ADGRV1: variants seen among roughly 807,000 people sequenced by gnomAD.
The protein encoded by ADGRV1 is adhesion G protein-coupled receptor V1.
In ADGRV1, 359 loss-of-function variants were observed where a neutral mutation model predicts 596.2. The observed-to-expected ratio is 0.60, with a 90% CI of 0.55 to 0.66. The LOEUF is 0.66. Ranked by LOEUF, ADGRV1 falls within the 30% of genes least tolerant of loss-of-function variation. ADGRV1 has a pLI of 0.00. For synonymous variants in ADGRV1, 2,681 were observed against 2,679.2 expected (o/e 1.00, Z -0.02); for missense variants, 7,274 against 7,575.6 (o/e 0.96, Z 1.48).
intron 50 of ADGRV1, among the ~76,000 whole-genome samples, chr5:90,733,799 A>G (rs1252710188): frequency 6.6e-6 from 1 of 152,178 alleles, no homozygotes; most frequent in East Asian, 1.9e-4. Flanking sequence ...TACAGTTGAA[A>G]TGTACTCTTA....
intron 87 of ADGRV1, among the ~76,000 whole-genome samples, chr5:91,117,671 A>C (rs917143837): frequency 6.6e-6 from 1 of 152,194 alleles, no homozygotes; most frequent in Non-Finnish European, 1.5e-5. Context: ...AAAACCATTT[A>C]CTCAAATACT....
chr5:90,564,524 G>C (rs1454773633), intron 1 of ADGRV1, among the ~76,000 whole-genome samples: 1 of 152,150 alleles, frequency 6.6e-6, no homozygotes, highest in Admixed American at 6.5e-5. Flanking sequence ...ATAGCTGGAA[G>C]TGCAGAGGTT....
At chr5:90,700,621 C>T (rs900958628) in intron 34 of ADGRV1, among the ~76,000 whole-genome samples, 3 of 151,978 alleles carry the variant, frequency 2.0e-5, no homozygotes, top group Non-Finnish European at 4.4e-5. Context: ...ATGTCATGTT[C>T]GATGGATTTT....
At chr5:90,739,058 C>T (rs910301930) in intron 50 of ADGRV1, among the ~76,000 whole-genome samples, 2 of 151,566 alleles carry the variant, frequency 1.3e-5, no homozygotes, top group Non-Finnish European at 2.9e-5. Context: ...AATTTTCTTT[C>T]TTCTGCTTGA....
chr5:90,976,445 T>C lies in ADGRV1; in HGVS notation c.17974-8899T>C, dbSNP rs535630655. ...TTATTACATAAGTTATTTTTCTGGC[T>C]TCCAGTTGATGAAATTACATTATTT... On this transcript the variant is annotated intron_variant, in intron 84 of 89. Coordinates refer to ENST00000405460, the MANE Select transcript of ADGRV1 (RefSeq NM_032119.4). Among the ~76,000 whole-genome samples, 3 of 151,186 alleles carry C rather than the reference T, an allele frequency of 2.0e-5. No individual in the cohort carries two copies. The Admixed American group carries it at 2.0e-4, about 10-fold the overall frequency.
intron 87 of ADGRV1, among the ~76,000 whole-genome samples, chr5:91,138,772 CTTT>C (rs34573065): frequency 1.4e-5 from 2 of 138,212 alleles, no homozygotes. Flanking sequence ...TATTGGTAAA[CTTT>C]TTTTTTTTTT....
intron 87 of ADGRV1, among the ~76,000 whole-genome samples, chr5:91,130,119 C>T (rs570049801): frequency 6.6e-6 from 1 of 151,516 alleles, no homozygotes; most frequent in African/African-American, 2.4e-5. Flanking sequence ...AAAAAATGCT[C>T]TGTAAAATTG....
intron 84 of ADGRV1, among the ~76,000 whole-genome samples, chr5:90,977,870 A>G (rs932348025): frequency 6.6e-6 from 1 of 152,212 alleles, no homozygotes; most frequent in Non-Finnish European, 1.5e-5. Flanking sequence ...CTGAATTACT[A>G]ATTCTGAAAA....
At chr5:90,580,093 G>A (rs1023162365) in intron 1 of ADGRV1, among the ~76,000 whole-genome samples, 1 of 151,840 alleles carries the variant, frequency 6.6e-6, no homozygotes, top group Non-Finnish European at 1.5e-5. Flanking sequence ...TTTTAATTGG[G>A]GCATTTAACC....
intron 85 of ADGRV1, among the ~76,000 whole-genome samples, chr5:91,046,610 A>G (rs1425766456): frequency 6.6e-6 from 1 of 152,240 alleles, no homozygotes; most frequent in Non-Finnish European, 1.5e-5. Flanking sequence ...GGCTCAGGCA[A>G]GGATTTCATG....
rs374007277 is a variant in ADGRV1, at chr5:90,815,608, C to A, written c.16079-11C>A. ...CTTGAATATATTATAGCCCTCCATT[C>A]TTTTTTTCAGGGAGTGACCTTCACA... On this transcript the variant is annotated splice_polypyrimidine_tract_variant and intron_variant, in intron 74 of 89. Coordinates refer to ENST00000405460, the MANE Select transcript of ADGRV1 (RefSeq NM_032119.4). 4.2e-6 allele frequency: 6 copies of A among 1,442,362 alleles called. No homozygotes were observed. In the South Asian group the frequency reaches 7.3e-5, roughly 18 times the overall value. 89.3% of individuals were successfully genotyped at this position (1,442,362 alleles called of 1,614,324 possible).
chr5:90,579,678 G>A (rs868100095), intron 1 of ADGRV1, among the ~76,000 whole-genome samples: 4 of 152,064 alleles, frequency 2.6e-5, no homozygotes, highest in African/African-American at 7.2e-5. Context: ...CTTCTGTCTC[G>A]TTGATCTGTC....
chr5:90,671,725 T>A (rs1469968207), intron 21 of ADGRV1, among the ~76,000 whole-genome samples: 1 of 152,008 alleles, frequency 6.6e-6, no homozygotes, highest in Non-Finnish European at 1.5e-5. Flanking sequence ...CATTTTTGGT[T>A]CTTTTTTCTC....
At chr5:91,006,413 C>G (rs1046940843) in intron 85 of ADGRV1, among the ~76,000 whole-genome samples, 1 of 152,150 alleles carries the variant, frequency 6.6e-6, no homozygotes, top group African/African-American at 2.4e-5. Context: ...TTTTGACAAA[C>G]ACCACAAACA....
intron 86 of ADGRV1, chr5:91,091,810 C>T (rs1790408617): frequency 6.6e-6 from 1 of 152,010 alleles, no homozygotes; most frequent in African/African-American, 2.4e-5. Context: ...TAGCCTTCCT[C>T]CACCTTTTTG....
At chr5:90,920,468 T>C (rs1773781658) in intron 83 of ADGRV1, among the ~76,000 whole-genome samples, 1 of 152,208 alleles carries the variant, frequency 6.6e-6, no homozygotes, top group South Asian at 2.1e-4. Context: ...CTTCAGAGTC[T>C]TTTTACTTTT....
At chr5:90,976,322 G>GTGTGTGTATATA (rs1420288881) in intron 84 of ADGRV1, among the ~76,000 whole-genome samples, 85 of 108,592 alleles carry the variant, frequency 7.8e-4, no homozygotes, top group Non-Finnish European at 1.3e-3. Flanking sequence ...GTGTGTGTGT[G>GTGTGTGTATATA]TATATATATA....
intron 79 of ADGRV1, 131 bp from the exon 80 acceptor site, chr5:90,853,153 C>G: frequency 1.2e-6 from 1 of 829,246 alleles, no homozygotes; most frequent in East Asian, 2.5e-5. Context: ...CTATTTACTG[C>G]TTCTGGGTTT....
At chr5:90,870,936 G>A (rs1181987763) in intron 83 of ADGRV1, among the ~76,000 whole-genome samples, 1 of 152,130 alleles carries the variant, frequency 6.6e-6, no homozygotes, top group Non-Finnish European at 1.5e-5. Context: ...TTTAGGTCTA[G>A]GCAAGTGACT....
Sources: allele counts gnomAD v4.1 joint callset (sites outside exome capture counted in the v4.1 genomes callset), GRCh38; gene constraint gnomAD v4.1.1; transcripts MANE v1.5; gene names NCBI Gene and HGNC (gene_info 2026-07-23, HGNC 2026-07-21).